Variants in GALNT11 observed in about 807,000 individuals in gnomAD.
The protein encoded by GALNT11 is polypeptide N-acetylgalactosaminyltransferase 11.
Under a neutral mutation model 72.7 loss-of-function variants are expected in GALNT11, and 47 were observed. The ratio of observed to expected loss-of-function variants is 0.65; its 90% CI spans 0.51 to 0.82. The LOEUF is 0.82. Ranked by LOEUF, GALNT11 falls within the 40% of genes least tolerant of loss-of-function variation. GALNT11 has a pLI of 0.00. For missense variants in GALNT11, 677 were observed against 778.4 expected (o/e 0.87, Z 1.55); for synonymous variants, 270 against 286.6 (o/e 0.94, Z 0.58).
rs142789395 is a variant in GALNT11 at position 152,095,918 on chromosome 7, T to C, written c.295+1396T>C. ...ACCTATTAGAGGTAATAAATGAATT[T>C]GGCAGTTGCAGGTACTAGATCAACA... On this transcript the variant is annotated intron_variant, in intron 2 of 11. Coordinates refer to ENST00000430044, the MANE Select transcript of GALNT11 (RefSeq NM_022087.4). 1.6e-3 allele frequency among the ~76,000 whole-genome samples: 241 copies of C among 152,334 alleles called. 1 individual carries two copies. The highest frequency in any genetic ancestry group is 1.5e-3 in the Non-Finnish European group (105 of 68,022).
chr7:152,102,657 A>T (rs1017319309), intron 3 of GALNT11, among the ~76,000 whole-genome samples: 6 of 152,062 alleles, frequency 3.9e-5, no homozygotes, highest in Non-Finnish European at 7.4e-5. Flanking sequence ...AAATGCTTTT[A>T]AAAAAAATTG....
At chr7:152,052,377 T>C (rs1447509025) in intron 1 of GALNT11, among the ~76,000 whole-genome samples, 1 of 152,182 alleles carries the variant, frequency 6.6e-6, no homozygotes, top group African/African-American at 2.4e-5. Context: ...CAAAAGTATA[T>C]TGTATATGTA....
At chr7:152,065,809 C>T (rs941801599) in intron 1 of GALNT11, among the ~76,000 whole-genome samples, 12 of 152,296 alleles carry the variant, frequency 7.9e-5, no homozygotes, top group African/African-American at 2.4e-4. Context: ...AAAGCGTCAT[C>T]TCAGAGGGGT....
intron 1 of GALNT11, among the ~76,000 whole-genome samples, chr7:152,078,819 C>G (rs1379320150): frequency 6.6e-6 from 1 of 152,100 alleles, no homozygotes; most frequent in Admixed American, 6.5e-5. Flanking sequence ...AAGGATGCAA[C>G]TTCTGTTTTG....
intron 1 of GALNT11, among the ~76,000 whole-genome samples, chr7:152,071,573 G>A (rs1216312761): frequency 6.6e-6 from 1 of 152,012 alleles, no homozygotes; most frequent in African/African-American, 2.4e-5. Flanking sequence ...TAGGTCCTGG[G>A]GCAACATACA....
intron 6 of GALNT11, among the ~76,000 whole-genome samples, chr7:152,109,015 TTTG>T (rs1210513780): frequency 6.6e-6 from 1 of 152,264 alleles, no homozygotes; most frequent in Non-Finnish European, 1.5e-5. Flanking sequence ...TCGTTGCTTA[TTTG>T]TTGTTATATA....
chr7:152,029,904 T>C (rs2082223675), intron 1 of GALNT11, among the ~76,000 whole-genome samples: 1 of 152,022 alleles, frequency 6.6e-6, no homozygotes, highest in Non-Finnish European at 1.5e-5. Flanking sequence ...AGGCTATGGG[T>C]TGTCAGTGGC....
At chr7:152,089,554 C>T (rs1223941689) in intron 1 of GALNT11, among the ~76,000 whole-genome samples, 1 of 152,110 alleles carries the variant, frequency 6.6e-6, no homozygotes. Context: ...GATTGGCTAA[C>T]AGTTTAAAAC....
Position 152,121,946 on chromosome 7 carries a change from G to A in GALNT11, c.*269G>A. ...TGGACATTAAGGTGATGTTTGAGCT[G>A]CTGTTAAGGAATTTCTTGCTTATAG... On this transcript the variant is annotated 3_prime_UTR_variant, in exon 12 of 12. Transcript: ENST00000430044. 3.0e-6 allele frequency: 1 copy of A among 330,400 alleles called. No individual in the cohort carries two copies. The highest frequency in any genetic ancestry group is 5.3e-5 in the East Asian group (1 of 18,836). The allele number at this position is 330,400 out of a possible 1,614,324, so 20.5% of individuals were successfully genotyped here.
chr7:152,058,712 G>A (rs2083833159), intron 1 of GALNT11, among the ~76,000 whole-genome samples: 2 of 152,220 alleles, frequency 1.3e-5, no homozygotes, highest in South Asian at 2.1e-4. Flanking sequence ...TTCTGTAGCT[G>A]TTTGATAGCA....
chr7:152,078,233 T>C (rs780593221), intron 1 of GALNT11, among the ~76,000 whole-genome samples: 3 of 152,154 alleles, frequency 2.0e-5, no homozygotes, highest in Non-Finnish European at 4.4e-5. Flanking sequence ...TTGTTTTTTT[T>C]AGACAGAGTT....
intron 1 of GALNT11, among the ~76,000 whole-genome samples, chr7:152,061,004 G>A (rs2083979083): frequency 6.6e-6 from 1 of 152,150 alleles, no homozygotes; most frequent in Admixed American, 6.5e-5. Context: ...TGGGATGGCT[G>A]GGTCAAATGG....
intron 1 of GALNT11, among the ~76,000 whole-genome samples, chr7:152,030,259 A>G (rs1334174165): frequency 2.0e-5 from 3 of 152,134 alleles, no homozygotes; most frequent in African/African-American, 7.2e-5. Flanking sequence ...CCGCTAGATC[A>G]CGGGACGCTG....
intron 6 of GALNT11, among the ~76,000 whole-genome samples, chr7:152,109,252 T>C (rs2087921179): frequency 1.3e-5 from 2 of 152,272 alleles, no homozygotes; most frequent in South Asian, 4.1e-4. Flanking sequence ...GTTTCACCAT[T>C]GTTTTGAAGA....
At chr7:152,110,767 G>T in intron 7 of GALNT11, 122 bp downstream of exon 7, 3 of 768,884 alleles carry the variant, frequency 3.9e-6, no homozygotes, top group Non-Finnish European at 6.2e-6. Flanking sequence ...GTCTTTCTCT[G>T]CTGCCCAGGT....
intron 1 of GALNT11, among the ~76,000 whole-genome samples, chr7:152,063,791 C>T (rs2129001740): frequency 6.6e-6 from 1 of 152,264 alleles, no homozygotes; most frequent in East Asian, 1.9e-4. Flanking sequence ...TTTCTTAATC[C>T]TGAGTTCTAG....
chr7:152,057,375 C>T (rs1055127831), intron 1 of GALNT11, among the ~76,000 whole-genome samples: 16 of 150,070 alleles, frequency 1.1e-4, no homozygotes, highest in Non-Finnish European at 1.0e-4. Context: ...GGTGCCATCT[C>T]GGTTTACTGC....
chr7:152,070,276 G>A (rs955215453), intron 1 of GALNT11, among the ~76,000 whole-genome samples: 1 of 152,126 alleles, frequency 6.6e-6, no homozygotes, highest in Non-Finnish European at 1.5e-5. Context: ...GATTACAGGT[G>A]TGAGCCACCG....
intron 1 of GALNT11, among the ~76,000 whole-genome samples, chr7:152,055,284 A>G (rs2083606547): frequency 6.6e-6 from 1 of 152,226 alleles, no homozygotes; most frequent in Admixed American, 6.5e-5. Context: ...AAGATGCCAA[A>G]TAATCTCCTG....
Sources: gnomAD v4.1 joint callset for allele counts (sites outside exome capture counted in the v4.1 genomes callset) on GRCh38, gnomAD v4.1.1 for gene constraint, MANE v1.5 for transcripts, NCBI Gene and HGNC (gene_info 2026-07-23, HGNC 2026-07-21) for gene names.